PRMT8: variants seen among roughly 807,000 people sequenced by gnomAD.
The protein encoded by PRMT8 is protein arginine methyltransferase 8.
Under a neutral mutation model 47.1 loss-of-function variants are expected in PRMT8, and 7 were observed. The ratio of observed to expected loss-of-function variants is 0.15; its 90% CI spans 0.08 to 0.28. The LOEUF (loss-of-function observed/expected upper bound fraction) is 0.28, where lower values mean the gene tolerates loss of function less well. PRMT8 is among the 10% of genes least tolerant of loss of function. The pLI is 1.00. For missense variants in PRMT8, 237 were observed against 505.4 expected (o/e 0.47, Z 5.09); for synonymous variants, 188 against 186.5 (o/e 1.01, Z -0.07).
chr12:3,514,198 G>A lies in PRMT8; in HGVS notation c.75+22498G>A, dbSNP rs1354496209. Reference sequence around the variant, plus strand: ...GCCGTGCAGATGTTCTAGCCTCTCTGAATTCATCCTGCCTTTTTTTTTTTT... The same window carrying A: ...GCCGTGCAGATGTTCTAGCCTCTCTAAATTCATCCTGCCTTTTTTTTTTTT... On this transcript the variant is annotated intron_variant, in intron 1 of 9. Transcript: ENST00000382622. This position sits in a 1 kb window ranked among gnomAD's most constrained non-coding sequence, Gnocchi z 5.9. Among the ~76,000 whole-genome samples, 1 of 151,014 alleles carries A rather than the reference G, an allele frequency of 6.6e-6. No individual in the cohort carries two copies. The highest frequency in any genetic ancestry group is 2.4e-5 in the African/African-American group (1 of 40,862).
At chr12:3,382,097 T>G (rs1364145979) in intron 1 of PRMT8, among the ~76,000 whole-genome samples, 1 of 152,246 alleles carries the variant, frequency 6.6e-6, no homozygotes, top group Non-Finnish European at 1.5e-5. Context: ...TATTCCATCT[T>G]GCAGATGTAC....
intron 1 of PRMT8, among the ~76,000 whole-genome samples, chr12:3,401,994 T>A (rs10082841): frequency 6.6e-6 from 1 of 151,888 alleles, no homozygotes; most frequent in African/African-American, 2.4e-5. Flanking sequence ...AAAATTCATA[T>A]GGAACCAAAA....
chr12:3,427,003 A>C (rs1050550280), intron 1 of PRMT8, among the ~76,000 whole-genome samples: 1 of 152,092 alleles, frequency 6.6e-6, no homozygotes, highest in African/African-American at 2.4e-5. Context: ...CAAGTATATA[A>C]TTTTTAAGAA....
chr12:3,444,756 G>A (rs777362666), intron 1 of PRMT8, among the ~76,000 whole-genome samples: 4 of 152,266 alleles, frequency 2.6e-5, no homozygotes, highest in Non-Finnish European at 4.4e-5. Context: ...CAGTTCCGTG[G>A]GAGATTGCCT....
At position 3,566,627 on chromosome 12, in the gene PRMT8, C is replaced by T. The variant is rs1866725194; in HGVS notation, c.482-2079C>T. 6.6e-6 allele frequency among the ~76,000 whole-genome samples: 1 copy of T among 152,206 alleles called. No homozygotes were observed. The highest frequency in any genetic ancestry group is 1.5e-5 in the Non-Finnish European group (1 of 68,040). On this transcript the variant is annotated intron_variant, in intron 4 of 9. Coordinates refer to ENST00000382622, the MANE Select transcript of PRMT8 (RefSeq NM_019854.5). This position sits in a 1 kb window ranked among gnomAD's most constrained non-coding sequence, Gnocchi z 4.7. ...GACACTCCATCACCTGCATTATTCACTGTGAAGAAACTAAATAAAGCCAGC... is the reference window on the plus strand; with the variant it reads ...GACACTCCATCACCTGCATTATTCATTGTGAAGAAACTAAATAAAGCCAGC...
At chr12:3,428,783 T>C (rs943237691) in intron 1 of PRMT8, among the ~76,000 whole-genome samples, 1 of 151,950 alleles carries the variant, frequency 6.6e-6, no homozygotes, top group Non-Finnish European at 1.5e-5. Context: ...TCTCTCTCTC[T>C]CTTACCTTGA....
chr12:3,506,733 C>T (rs769815968), intron 1 of PRMT8, among the ~76,000 whole-genome samples: 11 of 152,116 alleles, frequency 7.2e-5, no homozygotes, highest in Non-Finnish European at 1.3e-4. Context: ...GAGGCTCCCT[C>T]GAGATAGACA....
intron 1 of PRMT8, among the ~76,000 whole-genome samples, chr12:3,513,187 T>TA (rs769236914): frequency 6.6e-6 from 1 of 152,040 alleles, no homozygotes; most frequent in Non-Finnish European, 1.5e-5. Context: ...TGTAAGGAGG[T>TA]ATCTTGCTAG....
intron 1 of PRMT8, among the ~76,000 whole-genome samples, chr12:3,481,062 T>C (rs931362537): frequency 4.6e-5 from 7 of 152,174 alleles, no homozygotes; most frequent in African/African-American, 1.2e-4. Context: ...CACTCTTTTG[T>C]GGATATTTGA....
intron 1 of PRMT8, among the ~76,000 whole-genome samples, chr12:3,427,708 T>C (rs1864620463): frequency 6.6e-6 from 1 of 152,150 alleles, no homozygotes; most frequent in South Asian, 2.1e-4. Flanking sequence ...TTGCAGACAA[T>C]TTTTTGACAT....
At chr12:3,555,639 T>C (rs542831140) in intron 4 of PRMT8, among the ~76,000 whole-genome samples, 1 of 152,244 alleles carries the variant, frequency 6.6e-6, no homozygotes, top group South Asian at 2.1e-4. Context: ...TTGGAATAAG[T>C]CGCAAGCAAG....
chr12:3,435,772 G>A (rs547652148), intron 1 of PRMT8, among the ~76,000 whole-genome samples: 4 of 151,880 alleles, frequency 2.6e-5, no homozygotes, highest in South Asian at 2.1e-4. Context: ...CACCGGCCTC[G>A]GCCTCCCAGA....
chr12:3,507,195 T>C (rs1005852326), intron 1 of PRMT8, among the ~76,000 whole-genome samples: 3 of 150,688 alleles, frequency 2.0e-5, no homozygotes, highest in Non-Finnish European at 4.4e-5. Context: ...CATCTCAGCT[T>C]ACTGCAAGCT....
chr12:3,385,059 G>T (rs1047884406), intron 1 of PRMT8, among the ~76,000 whole-genome samples: 1 of 151,850 alleles, frequency 6.6e-6, no homozygotes, highest in African/African-American at 2.4e-5. Context: ...AGCCAGGACT[G>T]GTTGAGTTTA....
At chr12:3,575,427 C>T (rs1029194945) in intron 6 of PRMT8, among the ~76,000 whole-genome samples, 9 of 152,210 alleles carry the variant, frequency 5.9e-5, no homozygotes, top group African/African-American at 1.4e-4. Flanking sequence ...GATTCAGGTG[C>T]CCGGAAACTA....
At position 3,570,354 on chromosome 12, in the gene PRMT8, C is replaced by A. The variant is rs1006996275; in HGVS notation, c.712+790C>A. Among the ~76,000 whole-genome samples, 6 of 152,176 alleles carry A rather than the reference C, an allele frequency of 3.9e-5. No homozygotes were observed. Among genetic ancestry groups the A allele is most frequent in the African/African-American group, 7.2e-5 (3 of 41,428 alleles). On this transcript the variant is annotated intron_variant, in intron 6 of 9. Transcript: ENST00000382622. The surrounding 1 kb of genome is among the most constrained non-coding windows in gnomAD (Gnocchi z 5.5). Reference sequence around the variant, plus strand: ...CCAAACATGTTTTTGTAAAGTTGAACATGGCTGTGTCTCCTCAACCAGAAC... The same window carrying A: ...CCAAACATGTTTTTGTAAAGTTGAAAATGGCTGTGTCTCCTCAACCAGAAC...
At chr12:3,562,068 C>T (rs982881281) in intron 4 of PRMT8, among the ~76,000 whole-genome samples, 6 of 152,120 alleles carry the variant, frequency 3.9e-5, no homozygotes, top group Non-Finnish European at 7.4e-5. Flanking sequence ...CCTGGAGAGC[C>T]GGTTGTTAAG....
intron 1 of PRMT8, among the ~76,000 whole-genome samples, chr12:3,529,020 T>C (rs1865986868): frequency 6.6e-6 from 1 of 152,256 alleles, no homozygotes; most frequent in East Asian, 1.9e-4. Context: ...GTAGTTCTTT[T>C]CCGAGGCTGT....
intron 1 of PRMT8, among the ~76,000 whole-genome samples, chr12:3,479,051 G>T (rs1865247027): frequency 6.6e-6 from 1 of 152,204 alleles, no homozygotes; most frequent in East Asian, 1.9e-4. Flanking sequence ...TCAGAGTCAG[G>T]GTACAGCAGG....
Sources: allele counts gnomAD v4.1 joint callset (sites outside exome capture counted in the v4.1 genomes callset), GRCh38; gene constraint gnomAD v4.1.1; non-coding constraint Gnocchi (gnomAD v3.1); transcripts MANE v1.5; gene names NCBI Gene and HGNC (gene_info 2026-07-23, HGNC 2026-07-21).